The following SLAMF7 variants were observed in gnomAD, a reference collection of about 807,000 sequenced individuals.
SLAMF7 encodes 19A24 protein.
A neutral mutation model predicts 34.1 loss-of-function variants in SLAMF7; 26 were observed. The observed-to-expected ratio is 0.76, with a 90% CI of 0.56 to 1.06. The LOEUF (loss-of-function observed/expected upper bound fraction) is 1.06. Among genes scored for constraint, SLAMF7 ranks in the 50% least tolerant of loss-of-function variants. The pLI is 0.00. For synonymous variants in SLAMF7, 171 were observed against 156.4 expected (o/e 1.09, Z -0.70); for missense variants, 399 against 402.5 (o/e 0.99, Z 0.07).
intron 1 of SLAMF7, among the ~76,000 whole-genome samples, chr1:160,746,920 C>T (rs1461107457): frequency 6.6e-6 from 1 of 152,072 alleles, no homozygotes; most frequent in East Asian, 1.9e-4. Flanking sequence ...AATCTCCACC[C>T]ATGGGTGTGT....
chr1:160,751,155 C>T, intron 4 of SLAMF7, 190 bp from the exon 5 acceptor site: 3 of 568,640 alleles, frequency 5.3e-6, no homozygotes, highest in Non-Finnish European at 6.3e-6. Context: ...TGGGGGTGGC[C>T]AATTCATCCT....
At chr1:160,753,060 G>C in intron 6 of SLAMF7, 46 bp from the exon 7 acceptor site, 1 of 1,571,106 alleles carries the variant, frequency 6.4e-7, no homozygotes, top group African/African-American at 1.3e-5. Flanking sequence ...ACGATCCAGA[G>C]CCCTGCTCAC....
At position 160,749,976 on chromosome 1, in the gene SLAMF7, T is replaced by C; in HGVS notation, c.532T>C (p.Ser178Pro). The change falls in exon 3 of 7, where the codon TCC becomes CCC. Residue 178 changes from serine to proline, a missense_variant. Transcript: ENST00000368043. ...AGCAGCCAATGAGTCCCATAATGGG[T>C]CCATCCTCCCCATCTCCTGGAGATG... ...GQAANESHNG[S>P]ILPISWRWGE... The C allele has an allele frequency of 1.2e-6, 2 of 1,614,112 alleles. No individual in the cohort carries two copies. The highest frequency in any genetic ancestry group is 1.3e-5 in the African/African-American group (1 of 75,038).
upstream of SLAMF7, chr1:160,739,141 A>T: frequency 1.4e-6 from 1 of 696,216 alleles, no homozygotes; most frequent in East Asian, 2.7e-5. Context: ...GTGGCAAGGT[A>T]AAATGCTCTA....
chr1:160,745,657 T>G (rs961848715), intron 1 of SLAMF7, among the ~76,000 whole-genome samples: 3 of 152,152 alleles, frequency 2.0e-5, no homozygotes, highest in East Asian at 1.9e-4. Flanking sequence ...AACTCAGCCT[T>G]TGTAGTGAAA....
chr1:160,753,495 A>C lies in SLAMF7; in HGVS notation c.*318A>C. 1 of 301,218 alleles carries C rather than the reference A, an allele frequency of 3.3e-6. No homozygotes were observed. The highest frequency in any genetic ancestry group is 7.5e-5 in the East Asian group (1 of 13,350). 18.7% of individuals were successfully genotyped at this position (301,218 alleles called of 1,614,324 possible). A position where few individuals can be genotyped will look rare whatever the true frequency, so the allele number is the denominator to read the frequency against. ...TGTAAATGCAAGGTCACACATATTA[A>C]TGACAGCCTGTTGTATTAATGATGG... is the stretch of plus-strand genomic sequence containing the variant. On this transcript the variant is annotated 3_prime_UTR_variant, in exon 7 of 7. Transcript: ENST00000368043.
intron 1 of SLAMF7, among the ~76,000 whole-genome samples, chr1:160,741,469 G>A (rs1663735952): frequency 6.6e-6 from 1 of 152,152 alleles, no homozygotes; most frequent in South Asian, 2.1e-4. Flanking sequence ...TGCCTTGTGT[G>A]GCATTGAATT....
rs1367888968 is a variant in SLAMF7, at chr1:160,751,451, G to A, written c.873+3G>A. The A allele has an allele frequency of 2.5e-6, 4 of 1,607,674 alleles. No homozygotes were observed. Among genetic ancestry groups the A allele is most frequent in the Admixed American group, 1.7e-5 (1 of 60,014 alleles). ...ACGACACAATCCCTCACACTAATGT[G>A]AGTCCCTTCTCATCTTTCCTGAGAA... On this transcript the variant is annotated splice_donor_region_variant and intron_variant, in intron 5 of 6. Coordinates refer to ENST00000368043, the MANE Select transcript of SLAMF7 (RefSeq NM_021181.5).
At position 160,750,379 on chromosome 1, in the gene SLAMF7, T is replaced by C; in HGVS notation, c.725T>C (p.Val242Ala). The C allele has an allele frequency of 6.2e-7, 1 of 1,614,116 alleles. No individual in the cohort carries two copies. Among genetic ancestry groups the C allele is most frequent in the Admixed American group, 1.7e-5 (1 of 60,024 alleles). The change falls in exon 4 of 7, where the codon GTA becomes GCA. Residue 242 changes from valine to alanine, a missense_variant. By Grantham distance (64) the Val-to-Ala change is moderately conservative (BLOSUM62 0). Transcript: ENST00000368043. ...GTGCCCCTCCTGCTCAGTCTCTTTG[T>C]ACTGGGGCTATTTCTTTGGTTTCTG... ...LLVPLLLSLF[V>A]LGLFLWFLKR... is the part of the protein sequence containing the mutation.
At chr1:160,746,029 A>G (rs11588524) in intron 1 of SLAMF7, among the ~76,000 whole-genome samples, 35,391 of 152,128 alleles carry the variant, frequency 0.23, 4,516 homozygotes, top group Non-Finnish European at 0.31. Flanking sequence ...GAGTTACATC[A>G]GTACTGGAGT....
chr1:160,743,157 G>C (rs900809397), intron 1 of SLAMF7, among the ~76,000 whole-genome samples: 1 of 152,198 alleles, frequency 6.6e-6, no homozygotes, highest in Non-Finnish European at 1.5e-5. Flanking sequence ...CACCAAGGGA[G>C]GATATTTCTT....
Position 160,748,528 on chromosome 1 carries a change from G to T in SLAMF7, c.376+14G>T. The T allele has an allele frequency of 6.3e-7, 1 of 1,597,362 alleles. No individual in the cohort carries two copies. Among genetic ancestry groups the T allele is most frequent in the South Asian group, 1.1e-5 (1 of 89,544 alleles). The stretch of plus-strand genomic sequence containing the variant: ...TGCATGTCTACGGTGAGCAAAATCA[G>T]TTCCAATGGTGGATGGCTGCCTTGG... On this transcript the variant is annotated intron_variant, in intron 2 of 6. Transcript: ENST00000368043.
At chr1:160,741,720 A>G (rs1663759138) in intron 1 of SLAMF7, among the ~76,000 whole-genome samples, 1 of 152,170 alleles carries the variant, frequency 6.6e-6, no homozygotes, top group African/African-American at 2.4e-5. Context: ...TGAGCTCCCA[A>G]GAAATACACT....
intron 2 of SLAMF7, among the ~76,000 whole-genome samples, chr1:160,749,505 T>C (rs1365445341): frequency 6.6e-6 from 1 of 152,230 alleles, no homozygotes; most frequent in Non-Finnish European, 1.5e-5. Context: ...GAACAGATAA[T>C]ATTAGCGGAC....
intron 1 of SLAMF7, among the ~76,000 whole-genome samples, chr1:160,741,803 C>A (rs571574420): frequency 2.0e-5 from 3 of 152,190 alleles, no homozygotes; most frequent in East Asian, 3.9e-4. Flanking sequence ...GGAGCCTTGG[C>A]TCCTAATCCT....
chr1:160,746,098 T>C (rs1664109169), intron 1 of SLAMF7, among the ~76,000 whole-genome samples: 1 of 152,164 alleles, frequency 6.6e-6, no homozygotes, highest in Non-Finnish European at 1.5e-5. Context: ...CCTGGATGCT[T>C]GGTCAGTCTC....
In SLAMF7 at chr1:160,747,824, T is replaced by A. The variant is rs148753268; in HGVS notation, c.56-370T>A. Among the ~76,000 whole-genome samples the A allele has an allele frequency of 1.1e-4, 16 of 152,356 alleles. No individual in the cohort carries two copies. The East Asian group carries it at 2.9e-3, about 28-fold the overall frequency. ...TCAAGTTTAATAGGTAAGAATAAGATGACTTACTCCCCACATCTGTTTACT... is the reference window on the plus strand; with the variant it reads ...TCAAGTTTAATAGGTAAGAATAAGAAGACTTACTCCCCACATCTGTTTACT... On this transcript the variant is annotated intron_variant, in intron 1 of 6. Coordinates refer to ENST00000368043, the MANE Select transcript of SLAMF7 (RefSeq NM_021181.5).
At position 160,749,904 on chromosome 1, in the gene SLAMF7, G is replaced by A; in HGVS notation, c.460G>A (p.Glu154Lys). 2 of 1,614,104 alleles carry A rather than the reference G, an allele frequency of 1.2e-6. No homozygotes were observed. Among genetic ancestry groups the A allele is most frequent in the Non-Finnish European group, 1.7e-6 (2 of 1,179,956 alleles). ...TCVTNLTCCM[E>K]HGEEDVIYTW... ...TGTGACCAATCTGACATGCTGCATG[G>A]AACATGGGGAAGAGGATGTGATTTA... The change falls in exon 3 of 7, where the codon GAA (glutamate) becomes AAA (lysine). Residue 154 changes from glutamate (E) to lysine (K), a missense_variant. Coordinates refer to ENST00000368043, the MANE Select transcript of SLAMF7 (RefSeq NM_021181.5).
chr1:160,745,669 AG>A (rs1258370897), intron 1 of SLAMF7, among the ~76,000 whole-genome samples: 7 of 152,224 alleles, frequency 4.6e-5, no homozygotes, highest in Non-Finnish European at 7.3e-5. Context: ...GTAGTGAAAA[AG>A]GATCCATAGA....
Sources: allele counts gnomAD v4.1 joint callset (sites outside exome capture counted in the v4.1 genomes callset), GRCh38; gene constraint gnomAD v4.1.1; transcripts MANE v1.5; gene names NCBI Gene and HGNC (gene_info 2026-07-23, HGNC 2026-07-21).